Variants in ZKSCAN1 observed in about 807,000 individuals in gnomAD.
The protein encoded by ZKSCAN1 is zinc finger protein with KRAB and SCAN domains 1.
ZKSCAN1 carries 14 observed loss-of-function variants against 51.6 expected under a neutral mutation model. The ratio of observed to expected loss-of-function variants is 0.27; its 90% CI spans 0.18 to 0.42. ZKSCAN1 has a LOEUF of 0.42. Among genes scored for constraint, ZKSCAN1 ranks in the 10% least tolerant of loss-of-function variants. The probability of loss-of-function intolerance (pLI) is 1.00; values close to 1 mark genes in which losing one functional copy is unlikely to be tolerated. For missense variants in ZKSCAN1, 531 were observed against 710.0 expected (o/e 0.75, Z 2.86); for synonymous variants, 263 against 261.5 (o/e 1.01, Z -0.06).
rs562212925 is a variant in ZKSCAN1 at position 100,034,367 on chromosome 7, G to C, written c.*170G>C. 2.0e-5 allele frequency: 28 copies of C among 1,367,682 alleles called. No homozygotes were observed. The East Asian group carries it at 7.2e-4, about 35-fold the overall frequency. The allele number at this position is 1,367,682 out of a possible 1,614,324, so 84.7% of individuals were successfully genotyped here. A position where few individuals can be genotyped will look rare whatever the true frequency, so the allele number is the denominator to read the frequency against. On this transcript the variant is annotated 3_prime_UTR_variant, in exon 6 of 6. Transcript: ENST00000324306. ...AGTGTTCTGCCTTTATGTAGTAGTT[G>C]GGCATATAATCCTTCCACACAGCCC... is the stretch of plus-strand genomic sequence containing the variant.
intron 1 of ZKSCAN1, among the ~76,000 whole-genome samples, chr7:100,019,741 G>A (rs1052382804): frequency 2.0e-5 from 3 of 150,750 alleles, no homozygotes; most frequent in African/African-American, 7.3e-5. Context: ...TCACTCTGTT[G>A]CCCAGACTGG....
chr7:100,040,490 T>C lies in ZKSCAN1; in HGVS notation c.*6293T>C. The stretch of plus-strand genomic sequence containing the variant: ...CTGAGTATTTTAAGATAGAGTGAGA[T>C]CTGTGAGTGATTGAAAGGTGATATT... On this transcript the variant is annotated 3_prime_UTR_variant, in exon 6 of 6. Transcript: ENST00000324306. 2.0e-6 allele frequency: 2 copies of C among 985,442 alleles called. No homozygotes were observed. The highest frequency in any genetic ancestry group is 2.4e-6 in the Non-Finnish European group (2 of 829,932). 61.0% of individuals were successfully genotyped at this position (985,442 alleles called of 1,614,324 possible).
At chr7:100,018,023 A>G (rs907235909) in intron 1 of ZKSCAN1, among the ~76,000 whole-genome samples, 6 of 152,188 alleles carry the variant, frequency 3.9e-5, no homozygotes, top group African/African-American at 7.2e-5. Flanking sequence ...CTTTATATCT[A>G]TTACCTCATT....
At chr7:100,042,420 A>G (rs569468100), downstream of ZKSCAN1, among the ~76,000 whole-genome samples, 1 of 152,096 alleles carries the variant, frequency 6.6e-6, no homozygotes, top group African/African-American at 2.4e-5. Flanking sequence ...TTCTGACACA[A>G]TGTGGGATTT....
In ZKSCAN1 at chr7:100,029,867, C is replaced by G; in HGVS notation, c.587C>G (p.Pro196Arg). The change falls in exon 4 of 6, where the codon CCT becomes CGT. Residue 196 changes from proline to arginine, a missense_variant. This residue lies in a region of ZKSCAN1 where 403 missense variants were observed against 490.5 expected (regional missense o/e 0.82). Coordinates refer to ENST00000324306, the MANE Select transcript of ZKSCAN1 (RefSeq NM_003439.4). The part of the protein sequence containing the change: ...KPRLLQSRAL[P>R]AAHIPAPPHE... ...ACCCTTTCTCCTCCCCCAGCTCTTC[C>G]TGCTGCCCACATTCCTGCACCCCCT... The G allele has an allele frequency of 6.2e-7, 1 of 1,614,154 alleles. No individual in the cohort carries two copies. Among genetic ancestry groups the G allele is most frequent in the East Asian group, 2.2e-5 (1 of 44,888 alleles).
chr7:100,027,978 A>AT (rs1418458051), intron 3 of ZKSCAN1, among the ~76,000 whole-genome samples: 1 of 152,118 alleles, frequency 6.6e-6, no homozygotes, highest in Non-Finnish European at 1.5e-5. Flanking sequence ...TCTTAAATAA[A>AT]TTGAGACATG....
In ZKSCAN1 at chr7:100,038,664, A is replaced by G; in HGVS notation, c.*4467A>G. 8 of 985,456 alleles carry G rather than the reference A, an allele frequency of 8.1e-6. No homozygotes were observed. The highest frequency in any genetic ancestry group is 9.6e-6 in the Non-Finnish European group (8 of 829,954). 61.0% of individuals were successfully genotyped at this position (985,456 alleles called of 1,614,324 possible). On this transcript the variant is annotated 3_prime_UTR_variant, in exon 6 of 6. Transcript: ENST00000324306. ...GACCAGGTTCTTTTAAACCGTAGTC[A>G]TGCTTTCCCACTAACTCTTAAATCC...
chr7:100,037,251 A>G lies in ZKSCAN1; in HGVS notation c.*3054A>G, dbSNP rs1420434496. 3.0e-6 allele frequency: 3 copies of G among 985,298 alleles called. No individual in the cohort carries two copies. The highest frequency in any genetic ancestry group is 2.4e-6 in the Non-Finnish European group (2 of 829,920). 61.0% of individuals were successfully genotyped at this position (985,298 alleles called of 1,614,324 possible). Reference sequence around the variant, plus strand: ...TTCTACAGTTAACCATTAGCATGCTAGTTGTCCTAATGGAAATTTTTGAAG... The same window carrying G: ...TTCTACAGTTAACCATTAGCATGCTGGTTGTCCTAATGGAAATTTTTGAAG... On this transcript the variant is annotated 3_prime_UTR_variant, in exon 6 of 6. Coordinates refer to ENST00000324306, the MANE Select transcript of ZKSCAN1 (RefSeq NM_003439.4).
At position 100,024,299 on chromosome 7, in the gene ZKSCAN1, A is replaced by G. The variant is rs1790723823; in HGVS notation, c.572A>G (p.Gln191Arg). ...TCGTCTCGGAAACCCCGCCTCTTAC[A>G]GTCACGAGGTAAGAAGCAAGGTTTC... ...KHSSRKPRLL[Q>R]SRALPAAHIP... The change falls in exon 3 of 6, where the codon CAG (glutamine) becomes CGG (arginine). Residue 191 changes from glutamine (Q) to arginine (R), a missense_variant. Transcript: ENST00000324306. 1 of 1,614,076 alleles carries G rather than the reference A, an allele frequency of 6.2e-7. No homozygotes were observed. The highest frequency in any genetic ancestry group is 1.3e-5 in the African/African-American group (1 of 75,016).
At chr7:100,026,736 AT>A (rs1790854034) in intron 3 of ZKSCAN1, among the ~76,000 whole-genome samples, 2 of 151,976 alleles carry the variant, frequency 1.3e-5, no homozygotes, top group African/African-American at 4.8e-5. Context: ...GAAAAAAAAA[AT>A]AAATAAATAA....
chr7:100,030,078 C>A, intron 4 of ZKSCAN1, 126 bp downstream of exon 4: 1 of 1,387,462 alleles, frequency 7.2e-7, no homozygotes, highest in Non-Finnish European at 9.9e-7. Context: ...CCTGTCCTCT[C>A]CTTTTAGCAT....
At position 100,039,791 on chromosome 7, in the gene ZKSCAN1, G is replaced by A. The variant is rs896939606; in HGVS notation, c.*5594G>A. The stretch of plus-strand genomic sequence containing the variant: ...GAGCAACTTCTCAGAGATACGAGGG[G>A]GCTAGGGTTTTCCCATCTGGGAAAT... On this transcript the variant is annotated 3_prime_UTR_variant, in exon 6 of 6. Coordinates refer to ENST00000324306, the MANE Select transcript of ZKSCAN1 (RefSeq NM_003439.4). 2 of 985,372 alleles carry A rather than the reference G, an allele frequency of 2.0e-6. No individual in the cohort carries two copies. The highest frequency in any genetic ancestry group is 1.2e-4 in the Admixed American group (2 of 16,276). 61.0% of individuals were successfully genotyped at this position (985,372 alleles called of 1,614,324 possible).
rs774486197 is a variant in ZKSCAN1 at position 100,029,913 on chromosome 7, C to G, written c.633C>G (p.Asp211Glu). The change falls in exon 4 of 6, where the codon GAC (aspartate) becomes GAG (glutamate). Residue 211 changes from aspartate to glutamate, a missense_variant. By Grantham distance (45) the Asp-to-Glu change is conservative. Coordinates refer to ENST00000324306, the MANE Select transcript of ZKSCAN1 (RefSeq NM_003439.4). ...CCCCTCATGAGGGTAGTCCCAGAGA[C>G]CAGGCGATGGCATCTGCACTATTCA... ...PAPPHEGSPR[D>E]QAMASALFTA... is the part of the protein sequence containing the mutation. 1 of 1,614,076 alleles carries G rather than the reference C, an allele frequency of 6.2e-7. No individual in the cohort carries two copies. Among genetic ancestry groups the G allele is most frequent in the Non-Finnish European group, 8.5e-7 (1 of 1,180,044 alleles).
rs1790674342 is a variant in ZKSCAN1, at chr7:100,023,423, A to G, written c.-84A>G. 1 of 1,433,438 alleles carries G rather than the reference A, an allele frequency of 7.0e-7. No individual in the cohort carries two copies. The highest frequency in any genetic ancestry group is 9.4e-7 in the Non-Finnish European group (1 of 1,061,688). 88.8% of individuals were successfully genotyped at this position (1,433,438 alleles called of 1,614,324 possible). A position where few individuals can be genotyped will look rare whatever the true frequency, so the allele number is the denominator to read the frequency against. On this transcript the variant is annotated 5_prime_UTR_variant, in exon 2 of 6. In the 5' UTR this introduces an upstream ATG that the reference lacks. Transcript: ENST00000324306. The stretch of plus-strand genomic sequence containing the variant: ...GACTTTTTTTTTATACTTCAGGAAT[A>G]GTAAAGAAACACATCATAAAACCTC...
intron 3 of ZKSCAN1, among the ~76,000 whole-genome samples, chr7:100,029,361 G>T (rs1385389644): frequency 6.6e-6 from 1 of 152,022 alleles, no homozygotes; most frequent in Non-Finnish European, 1.5e-5. Context: ...TTGAGCTCAA[G>T]CAATCCTCCC....
chr7:100,040,209 A>G lies in ZKSCAN1; in HGVS notation c.*6012A>G, dbSNP rs1324566878. 1.0e-6 allele frequency: 1 copy of G among 985,442 alleles called. No individual in the cohort carries two copies. Among genetic ancestry groups the G allele is most frequent in the Non-Finnish European group, 1.2e-6 (1 of 829,926 alleles). The allele number at this position is 985,442 out of a possible 1,614,324, so 61.0% of individuals were successfully genotyped here. Reference sequence around the variant, plus strand: ...CAGAATGTCTTAACATGAGAATTGAATTTCATGATGTGTGGTTCCATTTAA... The same window carrying G: ...CAGAATGTCTTAACATGAGAATTGAGTTTCATGATGTGTGGTTCCATTTAA... On this transcript the variant is annotated 3_prime_UTR_variant, in exon 6 of 6. Transcript: ENST00000324306.
chr7:100,037,267 AT>A lies in ZKSCAN1; in HGVS notation c.*3075del. ...TAGCATGCTAGTTGTCCTAATGGAAATTTTTGAAGAGTTTTTCAATATATAC... is the reference window on the plus strand; with the variant it reads ...TAGCATGCTAGTTGTCCTAATGGAAATTTTGAAGAGTTTTTCAATATATAC... On this transcript the variant is annotated 3_prime_UTR_variant, in exon 6 of 6. Coordinates refer to ENST00000324306, the MANE Select transcript of ZKSCAN1 (RefSeq NM_003439.4). 1 of 985,444 alleles carries A rather than the reference AT, an allele frequency of 1.0e-6. No homozygotes were observed. Among genetic ancestry groups the A allele is most frequent in the Non-Finnish European group, 1.2e-6 (1 of 829,940 alleles). 61.0% of individuals were successfully genotyped at this position (985,444 alleles called of 1,614,324 possible).
chr7:100,028,462 CA>C (rs1279851122), intron 3 of ZKSCAN1, among the ~76,000 whole-genome samples: 1 of 152,078 alleles, frequency 6.6e-6, no homozygotes, highest in African/African-American at 2.4e-5. Flanking sequence ...TGCAGTGAGA[CA>C]TGTTTGAGCA....
chr7:100,026,112 C>T (rs1476394157), intron 3 of ZKSCAN1, among the ~76,000 whole-genome samples: 1 of 151,232 alleles, frequency 6.6e-6, no homozygotes, highest in Non-Finnish European at 1.5e-5. Flanking sequence ...CCCAGCTACT[C>T]AGGAGGCTGA....
Sources: allele counts gnomAD v4.1 joint callset (sites outside exome capture counted in the v4.1 genomes callset), GRCh38; gene constraint gnomAD v4.1.1; regional missense constraint gnomAD v4.1.1; transcripts MANE v1.5; gene names NCBI Gene and HGNC (gene_info 2026-07-23, HGNC 2026-07-21).